Variants in BCO2 observed in about 807,000 individuals in gnomAD.
BCO2 encodes beta-carotene oxygenase 2.
BCO2 carries 56 observed loss-of-function variants against 65.8 expected under a neutral mutation model. The ratio of observed to expected loss-of-function variants is 0.85; its 90% CI spans 0.69 to 1.06. BCO2 has a LOEUF of 1.06. Among genes scored for constraint, BCO2 ranks in the 50% least tolerant of loss-of-function variants. BCO2 has a pLI of 0.00. For missense variants in BCO2, 675 were observed against 698.5 expected (o/e 0.97, Z 0.38); for synonymous variants, 233 against 242.3 (o/e 0.96, Z 0.36).
chr11:112,193,403 T>A, intron 2 of BCO2, 71 bp from the exon 3 acceptor site: 1 of 1,313,486 alleles, frequency 7.6e-7, no homozygotes. Context: ...GAAATGAAGA[T>A]CTATCACTCT....
chr11:112,192,925 G>GTTTTTTTTTT (rs71060229), intron 2 of BCO2, among the ~76,000 whole-genome samples: 5,453 of 36,586 alleles, frequency 0.15, 1,332 homozygotes, highest in Middle Eastern at 0.2. Context: ...AAAATGTGAG[G>GTTTTTTTTTT]TTTTTTTTTT....
At chr11:112,204,455 C>T (rs1255340654) in intron 8 of BCO2, among the ~76,000 whole-genome samples, 1 of 152,070 alleles carries the variant, frequency 6.6e-6, no homozygotes, top group Admixed American at 6.6e-5. Flanking sequence ...ATATGTTGTA[C>T]AGTTGACCCT....
chr11:112,212,688 A>G (rs1298018375), intron 8 of BCO2, among the ~76,000 whole-genome samples: 1 of 152,196 alleles, frequency 6.6e-6, no homozygotes, highest in East Asian at 1.9e-4. Context: ...GTTGTCTGCC[A>G]AAGAAACCCA....
At chr11:112,195,148 T>A (rs1314295187) in intron 5 of BCO2, among the ~76,000 whole-genome samples, 1 of 152,052 alleles carries the variant, frequency 6.6e-6, no homozygotes, top group Non-Finnish European at 1.5e-5. Flanking sequence ...CATTTTTTTT[T>A]TTTTTTGAGA....
intron 2 of BCO2, chr11:112,182,980 T>G: frequency 9.3e-7 from 1 of 1,080,206 alleles, no homozygotes; most frequent in South Asian, 1.2e-5. Context: ...GGAAGTCAGA[T>G]GACAGGAATT....
chr11:112,208,882 G>T, intron 8 of BCO2: 1 of 171,274 alleles, frequency 5.8e-6, no homozygotes, highest in Non-Finnish European at 1.3e-5. Context: ...TTTGTCCATT[G>T]TGGAGATCCA....
chr11:112,212,046 A>T (rs940981691), intron 8 of BCO2, among the ~76,000 whole-genome samples: 7 of 48,472 alleles, frequency 1.4e-4, no homozygotes, highest in Admixed American at 2.9e-4. Context: ...GACCTTTTAT[A>T]AAAAAAAAAG....
intron 2 of BCO2, among the ~76,000 whole-genome samples, chr11:112,193,243 G>T (rs1234540807): frequency 6.6e-6 from 1 of 151,870 alleles, no homozygotes; most frequent in Non-Finnish European, 1.5e-5. Context: ...CTCCCAAAGT[G>T]CTGGGATTAC....
In BCO2 at chr11:112,218,259, T is replaced by G; in HGVS notation, c.*385T>G. ...ACAGAATTCACTATTTCCTTGCCAC[T>G]GCCAAGTCACGCCATGGCAGAGGCT... On this transcript the variant is annotated 3_prime_UTR_variant, in exon 12 of 12. Coordinates refer to ENST00000357685, the MANE Select transcript of BCO2 (RefSeq NM_031938.7). The G allele has an allele frequency of 6.1e-6, 1 of 163,042 alleles. No homozygotes were observed. The highest frequency in any genetic ancestry group is 1.6e-4 in the South Asian group (1 of 6,062). 10.1% of individuals were successfully genotyped at this position (163,042 alleles called of 1,614,324 possible). A position where few individuals can be genotyped will look rare whatever the true frequency, so the allele number is the denominator to read the frequency against.
At chr11:112,195,566 C>T in intron 5 of BCO2, among the ~76,000 whole-genome samples, 1 of 152,106 alleles carries the variant, frequency 6.6e-6, no homozygotes, top group East Asian at 1.9e-4. Context: ...CCTCAGTCTC[C>T]TGAGTAGCTG....
At chr11:112,186,897 G>A (rs1835298) in intron 2 of BCO2, among the ~76,000 whole-genome samples, 16,125 of 152,142 alleles carry the variant, frequency 0.11, 1,229 homozygotes, top group East Asian at 0.39. Flanking sequence ...ACTAAATAGC[G>A]TCAGCACCTT....
intron 8 of BCO2, among the ~76,000 whole-genome samples, chr11:112,210,996 C>T (rs1859493035): frequency 6.6e-6 from 1 of 152,028 alleles, no homozygotes; most frequent in African/African-American, 2.4e-5. Flanking sequence ...GTGTTCAATT[C>T]AGTGGCATTA....
At chr11:112,192,162 A>G (rs1174554789) in intron 2 of BCO2, among the ~76,000 whole-genome samples, 1 of 152,220 alleles carries the variant, frequency 6.6e-6, no homozygotes, top group Non-Finnish European at 1.5e-5. Context: ...TAAGTGGATT[A>G]ACAAGTGGAA....
At chr11:112,200,570 A>G (rs1316927671) in intron 6 of BCO2, 43 bp from the exon 7 acceptor site, 1 of 1,557,288 alleles carries the variant, frequency 6.4e-7, no homozygotes. Context: ...AGACAACTCT[A>G]GTTTGCCAAA....
intron 8 of BCO2, among the ~76,000 whole-genome samples, chr11:112,208,400 A>G (rs976823200): frequency 4.8e-5 from 7 of 147,056 alleles, no homozygotes; most frequent in African/African-American, 1.7e-4. Flanking sequence ...TTCTAACTCT[A>G]CATGTAAGCT....
chr11:112,179,772 C>T (rs992131815), intron 2 of BCO2: 2 of 394,290 alleles, frequency 5.1e-6, no homozygotes, highest in African/African-American at 4.1e-5. Flanking sequence ...CCCACAAGTT[C>T]CTGAAGGAAG....
At chr11:112,194,037 A>G (rs766399280) in intron 4 of BCO2, 43 bp downstream of exon 4, 2 of 1,061,520 alleles carry the variant, frequency 1.9e-6, no homozygotes, top group Non-Finnish European at 2.9e-6. Context: ...AGATCCTAAC[A>G]TTTCTTTCCA....
intron 5 of BCO2, among the ~76,000 whole-genome samples, chr11:112,199,294 T>C (rs1867664624): frequency 6.6e-6 from 1 of 152,216 alleles, no homozygotes; most frequent in Non-Finnish European, 1.5e-5. Flanking sequence ...GAACTCATCC[T>C]TTTTTATGGC....
intron 8 of BCO2, among the ~76,000 whole-genome samples, chr11:112,206,699 G>C (rs1248539157): frequency 6.6e-6 from 1 of 152,058 alleles, no homozygotes; most frequent in Non-Finnish European, 1.5e-5. Flanking sequence ...TTTGTTGATT[G>C]TTTCCTTTGC....
Sources: gnomAD v4.1 joint callset for allele counts (sites outside exome capture counted in the v4.1 genomes callset) on GRCh38, gnomAD v4.1.1 for gene constraint, MANE v1.5 for transcripts, NCBI Gene and HGNC (gene_info 2026-07-23, HGNC 2026-07-21) for gene names.